The following ARHGAP15 variants were observed in gnomAD, a reference collection of about 807,000 sequenced individuals.
ARHGAP15 encodes Rho GTPase activating protein 15, also known as rho GTPase-activating protein 15.
A neutral mutation model predicts 63.7 loss-of-function variants in ARHGAP15; 51 were observed. The ratio of observed to expected loss-of-function variants is 0.80; its 90% confidence interval spans 0.64 to 1.01. The LOEUF (loss-of-function observed/expected upper bound fraction) is 1.01. Among genes scored for constraint, ARHGAP15 ranks in the 50% least tolerant of loss-of-function variants. ARHGAP15 has a pLI of 0.00. For missense variants in ARHGAP15, 560 were observed against 564.6 expected (o/e 0.99, Z 0.08); for synonymous variants, 191 against 193.8 (o/e 0.99, Z 0.12).
At chr2:143,205,474 T>C (rs1419333348) in intron 3 of ARHGAP15, among the ~76,000 whole-genome samples, 1 of 152,126 alleles carries the variant, frequency 6.6e-6, no homozygotes, top group East Asian at 1.9e-4. Context: ...TTCATTCCCA[T>C]GACTACAATA....
At chr2:143,506,720 A>G (rs1324893495) in intron 9 of ARHGAP15, among the ~76,000 whole-genome samples, 1 of 152,192 alleles carries the variant, frequency 6.6e-6, no homozygotes, top group African/African-American at 2.4e-5. Flanking sequence ...GAAATACATG[A>G]AAGCAAACAA....
chr2:143,751,651 G>A lies in ARHGAP15; in HGVS notation c.1245-16338G>A, dbSNP rs188745353. ...GACTCCCCTCATCCTCAACAATGGCGTCTGCTGGTCGTGGTGGCTGCCCTA... is the reference window on the plus strand; with the variant it reads ...GACTCCCCTCATCCTCAACAATGGCATCTGCTGGTCGTGGTGGCTGCCCTA... On this transcript the variant is annotated intron_variant, in intron 13 of 13. Transcript: ENST00000295095. Among the ~76,000 whole-genome samples, 306 of 152,222 alleles carry A rather than the reference G, an allele frequency of 2.0e-3. 2 individuals are homozygous for A. The highest frequency in any genetic ancestry group is 2.9e-3 in the Non-Finnish European group (194 of 68,006).
At chr2:143,264,174 A>G (rs1030884547) in intron 6 of ARHGAP15, among the ~76,000 whole-genome samples, 1 of 151,716 alleles carries the variant, frequency 6.6e-6, no homozygotes, top group Non-Finnish European at 1.5e-5. Flanking sequence ...ATTTCAATCC[A>G]TGGATTGTTG....
chr2:143,155,572 A>G lies in ARHGAP15; in HGVS notation c.82A>G (p.Ile28Val). The G allele has an allele frequency of 1.2e-6, 2 of 1,609,310 alleles. No homozygotes were observed. Among genetic ancestry groups the G allele is most frequent in the Non-Finnish European group, 1.7e-6 (2 of 1,178,016 alleles). The change falls in exon 2 of 14, where the codon ATC (isoleucine) becomes GTC (valine). Residue 28 changes from isoleucine (I) to valine (V), a missense_variant. By Grantham distance (29) the Ile-to-Val change is conservative. Transcript: ENST00000295095. ...RQGTGAVQMR[I>V]KNANSHHDRL... Reference sequence around the variant, plus strand: ...AGGCACAGGAGCTGTGCAAATGAGAATCAAAAATGCCAACAGCCACCATGA... The same window carrying G: ...AGGCACAGGAGCTGTGCAAATGAGAGTCAAAAATGCCAACAGCCACCATGA...
intron 6 of ARHGAP15, among the ~76,000 whole-genome samples, chr2:143,392,137 C>T (rs1687562120): frequency 6.6e-6 from 1 of 152,182 alleles, no homozygotes; most frequent in South Asian, 2.1e-4. Context: ...TTACATGATA[C>T]AGTTCTTGTG....
At chr2:143,434,428 T>C (rs1689519869) in intron 6 of ARHGAP15, among the ~76,000 whole-genome samples, 1 of 152,118 alleles carries the variant, frequency 6.6e-6, no homozygotes, top group Admixed American at 6.6e-5. Context: ...ATCATTGTCA[T>C]TAAATGTTGC....
At chr2:143,377,778 C>T (rs1464139932) in intron 6 of ARHGAP15, among the ~76,000 whole-genome samples, 1 of 152,130 alleles carries the variant, frequency 6.6e-6, no homozygotes, top group East Asian at 1.9e-4. Context: ...CTTTTTTGTT[C>T]CTGATTGAGT....
At chr2:143,652,264 T>A (rs1160128387) in intron 12 of ARHGAP15, among the ~76,000 whole-genome samples, 1 of 152,052 alleles carries the variant, frequency 6.6e-6, no homozygotes, top group Non-Finnish European at 1.5e-5. Flanking sequence ...ATATGGTTTC[T>A]TTTGTAAGTA....
intron 13 of ARHGAP15, among the ~76,000 whole-genome samples, chr2:143,726,727 G>A (rs1276106479): frequency 2.0e-5 from 3 of 152,166 alleles, no homozygotes; most frequent in South Asian, 2.1e-4. Flanking sequence ...CACATGTAAC[G>A]TACTTCTGAG....
rs868413149 is a variant in ARHGAP15 at position 143,184,018 on chromosome 2, G to T, written c.166-18116G>T. Among the ~76,000 whole-genome samples, 16 of 152,198 alleles carry T rather than the reference G, an allele frequency of 1.1e-4. 1 individual carries two copies. In the Middle Eastern group the frequency reaches 0.02, roughly 194 times the overall value. Reference sequence around the variant, plus strand: ...AACTAGGGAGGTCAGCTTCTCAGCCGCCCAAGTCCCAGGAAGAAAAGACAG... The same window carrying T: ...AACTAGGGAGGTCAGCTTCTCAGCCTCCCAAGTCCCAGGAAGAAAAGACAG... On this transcript the variant is annotated intron_variant, in intron 2 of 13. Coordinates refer to ENST00000295095, the MANE Select transcript of ARHGAP15 (RefSeq NM_018460.4).
At chr2:143,366,159 T>C (rs2105346723) in intron 6 of ARHGAP15, among the ~76,000 whole-genome samples, 1 of 152,322 alleles carries the variant, frequency 6.6e-6, no homozygotes, top group Middle Eastern at 3.4e-3. Flanking sequence ...TCTCTTATTA[T>C]GTGTTGAGGT....
chr2:143,397,348 A>G (rs34210137), intron 6 of ARHGAP15, among the ~76,000 whole-genome samples: 63,443 of 133,822 alleles, frequency 0.47, 14,117 homozygotes, highest in East Asian at 0.76. Context: ...GTGTGTGTGT[A>G]TATATATATC....
intron 10 of ARHGAP15, among the ~76,000 whole-genome samples, chr2:143,541,704 C>A (rs1039319179): frequency 2.2e-4 from 33 of 152,294 alleles, no homozygotes; most frequent in Middle Eastern, 3.4e-3. Context: ...TATTGGTGAA[C>A]CGCAAATGCT....
chr2:143,723,837 A>G (rs1685166889), intron 13 of ARHGAP15, among the ~76,000 whole-genome samples: 1 of 152,212 alleles, frequency 6.6e-6, no homozygotes, highest in Non-Finnish European at 1.5e-5. Flanking sequence ...GAAAAACTGT[A>G]AATTATCCAG....
intron 6 of ARHGAP15, among the ~76,000 whole-genome samples, chr2:143,413,992 C>G (rs1275915174): frequency 6.8e-6 from 1 of 147,122 alleles, no homozygotes; most frequent in Non-Finnish European, 1.5e-5. Flanking sequence ...GAAAGTTAAT[C>G]TGAAGCTAGT....
intron 11 of ARHGAP15, among the ~76,000 whole-genome samples, chr2:143,561,317 T>C (rs1378167261): frequency 6.6e-6 from 1 of 152,134 alleles, no homozygotes; most frequent in African/African-American, 2.4e-5. Flanking sequence ...TGGCATTCTT[T>C]TTGGAAAAAT....
At chr2:143,189,649 A>G (rs1416064880) in intron 2 of ARHGAP15, among the ~76,000 whole-genome samples, 2 of 151,768 alleles carry the variant, frequency 1.3e-5, no homozygotes, top group African/African-American at 2.4e-5. Flanking sequence ...TTTAGTTAGG[A>G]TGGGGTTTCA....
At chr2:143,243,493 T>A (rs558078378) in intron 5 of ARHGAP15, among the ~76,000 whole-genome samples, 2 of 152,316 alleles carry the variant, frequency 1.3e-5, no homozygotes, top group South Asian at 4.1e-4. Context: ...ATATGGTGTG[T>A]ACATTCTTAG....
At chr2:143,606,305 T>C (rs958187214) in intron 11 of ARHGAP15, among the ~76,000 whole-genome samples, 2 of 152,158 alleles carry the variant, frequency 1.3e-5, no homozygotes, top group South Asian at 2.1e-4. Flanking sequence ...TGAACTTCCA[T>C]TTACTATCTT....
Sources: allele counts gnomAD v4.1 joint callset (sites outside exome capture counted in the v4.1 genomes callset), GRCh38; gene constraint gnomAD v4.1.1; transcripts MANE v1.5; gene names NCBI Gene and HGNC (gene_info 2026-07-23, HGNC 2026-07-21).